RNGTT: variants seen among roughly 807,000 people sequenced by gnomAD.
RNGTT encodes the protein RNA guanylyltransferase and 5'-phosphatase.
RNGTT carries 33 observed loss-of-function variants against 79.3 expected under a neutral mutation model. That is an observed-to-expected ratio of 0.42 (90% CI 0.32 to 0.56). The LOEUF (loss-of-function observed/expected upper bound fraction) is 0.56, where lower values mean the gene tolerates loss of function less well. Ranked by LOEUF, RNGTT falls within the 20% of genes least tolerant of loss-of-function variation. The probability of loss-of-function intolerance (pLI) is 0.17; values close to 1 mark genes in which losing one functional copy is unlikely to be tolerated. For missense variants in RNGTT, 497 were observed against 739.1 expected, an observed-to-expected ratio of 0.67 and a Z score of 3.80; for synonymous variants, 222 against 235.9, an observed-to-expected ratio of 0.94 and a Z score of 0.54.
chr6:88,790,127 G>C (rs1779357632), intron 12 of RNGTT, among the ~76,000 whole-genome samples: 1 of 152,160 alleles, frequency 6.6e-6, no homozygotes, highest in South Asian at 2.1e-4. Flanking sequence ...TTAAAAGATA[G>C]AAAGTACAGA....
chr6:88,802,513 T>G lies in RNGTT; in HGVS notation c.1270-881A>C, dbSNP rs961011814. ...GCCTGAAACATGAATTTCTGCATTTTGGGGAAGAGAACAAAACATACTTTC... is the reference window on the plus strand; with the variant it reads ...GCCTGAAACATGAATTTCTGCATTTGGGGGAAGAGAACAAAACATACTTTC... On this transcript the variant is annotated intron_variant, in intron 11 of 15. Coordinates refer to ENST00000369485, the MANE Select transcript of RNGTT (RefSeq NM_003800.5). 2.0e-5 allele frequency among the ~76,000 whole-genome samples: 3 copies of G among 152,328 alleles called. No individual in the cohort carries two copies. In the South Asian group the frequency reaches 6.2e-4, roughly 32 times the overall value.
chr6:88,898,620 G>T, intron 6 of RNGTT, among the ~76,000 whole-genome samples: 1 of 147,918 alleles, frequency 6.8e-6, no homozygotes, highest in African/African-American at 2.5e-5. Context: ...CTTTTATATA[G>T]GACTTAATTT....
chr6:88,716,761 G>A (rs1246017166), intron 13 of RNGTT, among the ~76,000 whole-genome samples: 1 of 152,110 alleles, frequency 6.6e-6, no homozygotes, highest in Admixed American at 6.5e-5. Context: ...GATGGGAACT[G>A]AACAATGAGA....
intron 12 of RNGTT, among the ~76,000 whole-genome samples, chr6:88,770,667 T>C (rs1317381201): frequency 3.9e-5 from 6 of 152,200 alleles, no homozygotes; most frequent in African/African-American, 9.6e-5. Flanking sequence ...GGAATGACTG[T>C]ATCACATGGC....
intron 10 of RNGTT, among the ~76,000 whole-genome samples, chr6:88,848,000 G>GA (rs1026918459): frequency 1.3e-5 from 2 of 150,220 alleles, no homozygotes; most frequent in African/African-American, 4.9e-5. Context: ...GGTAATCAGG[G>GA]AAAAAAACAG....
At chr6:88,634,859 A>C (rs1582259350) in intron 14 of RNGTT, among the ~76,000 whole-genome samples, 2 of 152,274 alleles carry the variant, frequency 1.3e-5, no homozygotes, top group Middle Eastern at 3.4e-3. Context: ...GAGAAAAATG[A>C]TAGAAAATCC....
At chr6:88,743,134 A>G (rs1051453458) in intron 13 of RNGTT, among the ~76,000 whole-genome samples, 2 of 152,218 alleles carry the variant, frequency 1.3e-5, no homozygotes, top group African/African-American at 4.8e-5. Flanking sequence ...CTCAAATAAA[A>G]CACTGTATTG....
At chr6:88,910,989 C>T (rs1783812206) in intron 4 of RNGTT, among the ~76,000 whole-genome samples, 1 of 152,106 alleles carries the variant, frequency 6.6e-6, no homozygotes, top group African/African-American at 2.4e-5. Context: ...TATGGGAGTT[C>T]TAAACATGGA....
chr6:88,670,592 T>A (rs758490641), intron 14 of RNGTT, among the ~76,000 whole-genome samples: 4 of 152,172 alleles, frequency 2.6e-5, no homozygotes, highest in African/African-American at 9.7e-5. Context: ...AATGGCCAGA[T>A]GGTTTAGTGC....
chr6:88,900,212 G>A (rs538120646), intron 6 of RNGTT, among the ~76,000 whole-genome samples: 14 of 151,088 alleles, frequency 9.3e-5, no homozygotes, highest in Admixed American at 5.3e-4. Context: ...ACAGGAGACC[G>A]ACATATTAGT....
In RNGTT at chr6:88,933,549, T is replaced by C. The variant is rs1417191004; in HGVS notation, c.175-4282A>G. Among the ~76,000 whole-genome samples, 5 of 152,162 alleles carry C rather than the reference T, an allele frequency of 3.3e-5. No homozygotes were observed. In the East Asian group the frequency reaches 5.8e-4, roughly 18 times the overall value. The stretch of plus-strand genomic sequence containing the variant: ...CGGCTGGAATGTAGTAGCACAATCA[T>C]AGCTCACTGTAACCTCAAACTCTTG... On this transcript the variant is annotated intron_variant, in intron 2 of 15. Coordinates refer to ENST00000369485, the MANE Select transcript of RNGTT (RefSeq NM_003800.5).
chr6:88,936,515 C>G lies in RNGTT; in HGVS notation c.174+4556G>C, dbSNP rs1034355358. Among the ~76,000 whole-genome samples, 5 of 152,254 alleles carry G rather than the reference C, an allele frequency of 3.3e-5. 1 individual carries two copies. Among genetic ancestry groups the G allele is most frequent in the Admixed American group, 3.3e-4 (5 of 15,300 alleles). ...AGTATGACGTTAGCTGTGGGCTTGT[C>G]ATATATGGTCTTTATTATGTTGAGT... On this transcript the variant is annotated intron_variant, in intron 2 of 15. Coordinates refer to ENST00000369485, the MANE Select transcript of RNGTT (RefSeq NM_003800.5).
At chr6:88,680,228 T>C (rs1775040705) in intron 13 of RNGTT, among the ~76,000 whole-genome samples, 1 of 152,194 alleles carries the variant, frequency 6.6e-6, no homozygotes, top group South Asian at 2.1e-4. Flanking sequence ...AATTCCAGGA[T>C]ATACATTTAT....
In RNGTT at chr6:88,702,233, C is replaced by T. The variant is rs192063775; in HGVS notation, c.1440-23814G>A. On this transcript the variant is annotated intron_variant, in intron 13 of 15. Transcript: ENST00000369485. ...AACTATTCTAAACTTCATATGGAACCAAAAAAGAACCTGAATAGCTAAAGC... is the reference window on the plus strand; with the variant it reads ...AACTATTCTAAACTTCATATGGAACTAAAAAAGAACCTGAATAGCTAAAGC... Among the ~76,000 whole-genome samples, 236 of 152,024 alleles carry T rather than the reference C, an allele frequency of 1.6e-3. 2 individuals are homozygous for T. The highest frequency in any genetic ancestry group is 5.4e-3 in the African/African-American group (226 of 41,486).
rs1215015171 is a variant in RNGTT at position 88,942,646 on chromosome 6, T to G, written c.65-1466A>C. Among the ~76,000 whole-genome samples, 3 of 152,170 alleles carry G rather than the reference T, an allele frequency of 2.0e-5. No individual in the cohort carries two copies. In the East Asian group the frequency reaches 5.8e-4, roughly 29 times the overall value. On this transcript the variant is annotated intron_variant, in intron 1 of 15. Transcript: ENST00000369485. Reference sequence around the variant, plus strand: ...TCGGCCTCCCAAAATGCTGGGATTATAGGCATGAGCCACTGAGCCTGGCCT... The same window carrying G: ...TCGGCCTCCCAAAATGCTGGGATTAGAGGCATGAGCCACTGAGCCTGGCCT...
chr6:88,940,787 C>T (rs1784821344), intron 2 of RNGTT, among the ~76,000 whole-genome samples: 1 of 151,884 alleles, frequency 6.6e-6, no homozygotes, highest in African/African-American at 2.4e-5. Context: ...TACTGAACTA[C>T]ACACACACAC....
At chr6:88,901,085 T>TGA (rs1210361264) in intron 6 of RNGTT, among the ~76,000 whole-genome samples, 2 of 150,882 alleles carry the variant, frequency 1.3e-5, no homozygotes, top group East Asian at 3.9e-4. Context: ...GAGCTTGCAG[T>TGA]GAGCCAAGAT....
intron 14 of RNGTT, among the ~76,000 whole-genome samples, chr6:88,622,498 G>C (rs182170802): frequency 6.6e-6 from 1 of 152,100 alleles, no homozygotes; most frequent in Non-Finnish European, 1.5e-5. Context: ...CATCTTATTT[G>C]ACCCCTTAGC....
At chr6:88,848,569 CT>C (rs1253928960) in intron 10 of RNGTT, among the ~76,000 whole-genome samples, 2 of 151,976 alleles carry the variant, frequency 1.3e-5, no homozygotes, top group Non-Finnish European at 2.9e-5. Context: ...ACAAATAAAT[CT>C]CAACATTATC....
Sources: gnomAD v4.1 joint callset for allele counts (sites outside exome capture counted in the v4.1 genomes callset) on GRCh38, gnomAD v4.1.1 for gene constraint, MANE v1.5 for transcripts, NCBI Gene and HGNC (gene_info 2026-07-23, HGNC 2026-07-21) for gene names.